The following CXCL9 variants were observed in gnomAD, a reference collection of about 807,000 sequenced individuals.
CXCL9 encodes C-X-C motif chemokine 9.
Under a neutral mutation model 11.7 loss-of-function variants are expected in CXCL9, and 8 were observed. That is an observed-to-expected ratio of 0.68 (90% CI 0.40 to 1.23). CXCL9 has a LOEUF of 1.23. Among genes scored for constraint, CXCL9 ranks in the 50% most tolerant of loss-of-function variants. CXCL9 has a pLI of 0.01. For synonymous variants in CXCL9, 43 were observed against 48.2 expected, an observed-to-expected ratio of 0.89 and a Z score of 0.45; for missense variants, 133 against 141.7, an observed-to-expected ratio of 0.94 and a Z score of 0.31.
At chr4:76,005,969 A>C (rs1326617128) in intron 2 of CXCL9, 179 bp downstream of exon 2, 3 of 538,258 alleles carry the variant, frequency 5.6e-6, no homozygotes, top group Non-Finnish European at 3.4e-6. Context: ...GGCCTAATCT[A>C]CCAGAAATTC....
intron 2 of CXCL9, chr4:76,005,530 C>T (rs906245063): frequency 6.6e-6 from 1 of 152,210 alleles, no homozygotes; most frequent in African/African-American, 2.4e-5. Context: ...CACAATACTG[C>T]CACAGTAAGT....
intron 3 of CXCL9, among the ~76,000 whole-genome samples, chr4:76,004,347 A>G (rs1420530373): frequency 3.3e-5 from 5 of 152,190 alleles, no homozygotes; most frequent in African/African-American, 1.2e-4. Flanking sequence ...CAAATCAAAT[A>G]TCACCTGACA....
intron 2 of CXCL9, 80 bp from the exon 3 acceptor site, chr4:76,004,973 A>G (rs1731557480): frequency 1.4e-6 from 2 of 1,446,678 alleles, no homozygotes; most frequent in Non-Finnish European, 1.8e-6. Context: ...GAAAATCAGT[A>G]TGAATTGTGC....
intron 3 of CXCL9, among the ~76,000 whole-genome samples, chr4:76,004,228 T>A (rs1189147906): frequency 6.6e-6 from 1 of 152,088 alleles, no homozygotes; most frequent in East Asian, 1.9e-4. Context: ...TCACACAAAC[T>A]CCAGCCACAT....
chr4:76,004,740 AAGC>A, intron 3 of CXCL9, 66 bp downstream of exon 3: 1 of 1,533,802 alleles, frequency 6.5e-7, no homozygotes, highest in Non-Finnish European at 8.7e-7. Context: ...GTTAATGAAA[AAGC>A]AGATTCTTTG....
rs1251630127 is a variant in CXCL9 at position 76,002,149 on chromosome 4, C to T, written c.*1449G>A. The T allele has an allele frequency of 1.8e-5, 7 of 387,802 alleles. No homozygotes were observed. The highest frequency in any genetic ancestry group is 3.2e-5 in the Non-Finnish European group (7 of 221,742). The allele number at this position is 387,802 out of a possible 1,614,324, so 24.0% of individuals were successfully genotyped here. ...GATCTCGGTGGCTATCTTGTTAGATCTTAGAAAGCTGAGGCTTATTGAGAA... is the reference window on the plus strand; with the variant it reads ...GATCTCGGTGGCTATCTTGTTAGATTTTAGAAAGCTGAGGCTTATTGAGAA... On this transcript the variant is annotated 3_prime_UTR_variant, in exon 4 of 4. Transcript: ENST00000264888.
chr4:76,004,705 C>T, intron 3 of CXCL9, 104 bp downstream of exon 3: 2 of 1,386,632 alleles, frequency 1.4e-6, no homozygotes, highest in South Asian at 3.8e-5. Context: ...AAAATGTATT[C>T]TTAAAAGTTA....
intron 1 of CXCL9, 57 bp downstream of exon 1, chr4:76,007,329 G>C: frequency 1.0e-6 from 1 of 956,118 alleles, no homozygotes; most frequent in Non-Finnish European, 1.7e-6. Context: ...GGCTAATCAA[G>C]ATTCTTTTAC....
Position 76,001,638 on chromosome 4 carries a change from A to G in CXCL9, c.*1960T>C, listed in dbSNP as rs1393589080. 1 of 152,160 alleles carries G rather than the reference A, an allele frequency of 6.6e-6. No individual in the cohort carries two copies. The highest frequency in any genetic ancestry group is 2.4e-5 in the African/African-American group (1 of 41,430). The allele number at this position is 152,160 out of a possible 1,614,324, so 9.4% of individuals were successfully genotyped here. A position where few individuals can be genotyped will look rare whatever the true frequency, so the allele number is the denominator to read the frequency against. On this transcript the variant is annotated 3_prime_UTR_variant, in exon 4 of 4. Transcript: ENST00000264888. The stretch of plus-strand genomic sequence containing the variant: ...GATTATAACGTGTGTGTCAGTGACA[A>G]TATGTAGTCTTTGGTTGTTAGTTAT...
chr4:76,004,821 CT>C lies in CXCL9; in HGVS notation c.263del (p.Lys88SerfsTer24). On this transcript the variant is annotated frameshift_variant, in exon 3 of 4. Transcript: ENST00000264888. LOFTEE classifies it low-confidence loss of function (END_TRUNC). ...CCTTTTCACCAACCTGTTTCTCCCA[CT>C]TTTTAATCAGTTCCTTCACATCTGC... ...DSADVKELIK[K>X]WEKQVSQKKK... The C allele has an allele frequency of 6.2e-7, 1 of 1,603,048 alleles. No homozygotes were observed. Among genetic ancestry groups the C allele is most frequent in the Non-Finnish European group, 8.5e-7 (1 of 1,176,190 alleles).
chr4:76,003,527 C>T lies in CXCL9; in HGVS notation c.*71G>A. 1.1e-6 allele frequency: 1 copy of T among 884,208 alleles called. No homozygotes were observed. 54.8% of individuals were successfully genotyped at this position (884,208 alleles called of 1,614,324 possible). On this transcript the variant is annotated 3_prime_UTR_variant, in exon 4 of 4. Coordinates refer to ENST00000264888, the MANE Select transcript of CXCL9 (RefSeq NM_002416.3). Reference sequence around the variant, plus strand: ...AGCCTTTGTATTATATGCCATCCTCCTTTGGAATGATAGCGGTATAATTAA... The same window carrying T: ...AGCCTTTGTATTATATGCCATCCTCTTTTGGAATGATAGCGGTATAATTAA...
chr4:76,004,645 G>C (rs1209467076), intron 3 of CXCL9, among the ~76,000 whole-genome samples, 164 bp downstream of exon 3: 1 of 152,164 alleles, frequency 6.6e-6, no homozygotes, highest in African/African-American at 2.4e-5. Flanking sequence ...CTATATGTAG[G>C]AACCTAATTT....
rs927829406 is a variant in CXCL9 at position 76,005,025 on chromosome 4, A to T, written c.192-132T>A. ...ACTACTTAAAATTATTTCCTAGGAC[A>T]AGATGAGTCACTGGTTGAATTTTTT... On this transcript the variant is annotated intron_variant, in intron 2 of 3. Coordinates refer to ENST00000264888, the MANE Select transcript of CXCL9 (RefSeq NM_002416.3). The T allele has an allele frequency of 3.2e-6, 4 of 1,269,352 alleles. No individual in the cohort carries two copies. The African/African-American group carries it at 6.2e-5, about 20-fold the overall frequency. The allele number at this position is 1,269,352 out of a possible 1,614,324, so 78.6% of individuals were successfully genotyped here. A position where few individuals can be genotyped will look rare whatever the true frequency, so the allele number is the denominator to read the frequency against.
chr4:76,007,150 A>T lies in CXCL9; in HGVS notation c.64+236T>A, dbSNP rs146313126. Among the ~76,000 whole-genome samples the T allele has an allele frequency of 1.0e-3, 157 of 152,354 alleles. 1 individual carries two copies. The East Asian group carries it at 0.028, about 28-fold the overall frequency. On this transcript the variant is annotated intron_variant, in intron 1 of 3. Transcript: ENST00000264888. ...GTTCTCATTATTACCCAGTTCAATG[A>T]ACATTTATTGAACACTTACTAGGAA...
rs747721834 is a variant in CXCL9, at chr4:76,006,263, C to A, written c.76G>T (p.Val26Leu). The A allele has an allele frequency of 4.3e-6, 7 of 1,613,578 alleles. No homozygotes were observed. In the East Asian group the frequency reaches 1.6e-4, roughly 36 times the overall value. ...ATGCAGGAACAGCGACCCTTTCTCA[C>A]TACTGGGGTTCCTGAGGGAAAGAAA... ...VLIGVQGTPV[V>L]RKGRCSCIST... is the part of the protein sequence containing the mutation. Residue 26 changes from valine (V) to leucine (L), a missense_variant, in exon 2 of 4, where the codon GTG becomes TTG. Transcript: ENST00000264888.
intron 3 of CXCL9, 106 bp downstream of exon 3, chr4:76,004,703 T>C (rs776956921): frequency 6.2e-5 from 85 of 1,378,334 alleles, no homozygotes; most frequent in Non-Finnish European, 7.7e-5. Flanking sequence ...GAAAAATGTA[T>C]TCTTAAAAGT....
At chr4:76,006,922 G>T (rs184824889) in intron 1 of CXCL9, among the ~76,000 whole-genome samples, 1 of 152,272 alleles carries the variant, frequency 6.6e-6, no homozygotes, top group African/African-American at 2.4e-5. Flanking sequence ...GTCAGAAAAG[G>T]TATAACTACA....
rs1329947376 is a variant in CXCL9 at position 76,006,176 on chromosome 4, T to C, written c.163A>G (p.Ser55Gly). 1 of 1,613,838 alleles carries C rather than the reference T, an allele frequency of 6.2e-7. No individual in the cohort carries two copies. Among genetic ancestry groups the C allele is most frequent in the Non-Finnish European group, 8.5e-7 (1 of 1,179,758 alleles). ...ATTTCAATTTTCTCGCAGGAAGGGC[T>C]TGGGGCAAATTGTTTAAGGTCTTTC... is the stretch of plus-strand genomic sequence containing the variant. The part of the protein sequence containing the change: ...SLKDLKQFAP[S>G]PSCEKIEIIA... The change falls in exon 2 of 4, where the codon AGC becomes GGC. Residue 55 changes from serine (S) to glycine (G), a missense_variant. Physicochemically the swap from Ser to Gly is moderately conservative, Grantham distance 56 (BLOSUM62 0). Transcript: ENST00000264888.
chr4:76,003,610 CTTT>C lies in CXCL9; in HGVS notation c.363_365del (p.Lys123del). On this transcript the variant is annotated inframe_deletion, in exon 4 of 4. Transcript: ENST00000264888. ...GTGAAGTGGTCTCTTATGTAGTCTTCTTTTGACGAGAACGTTGAGATTTTCGAA... is the reference window on the plus strand; with the variant it reads ...GTGAAGTGGTCTCTTATGTAGTCTTCTGACGAGAACGTTGAGATTTTCGAA... 6.3e-7 allele frequency: 1 copy of C among 1,594,150 alleles called. No homozygotes were observed. Among genetic ancestry groups the C allele is most frequent in the Non-Finnish European group, 8.6e-7 (1 of 1,162,922 alleles).
Sources: gnomAD v4.1 joint callset for allele counts (sites outside exome capture counted in the v4.1 genomes callset) on GRCh38, gnomAD v4.1.1 for gene constraint, MANE v1.5 for transcripts, NCBI Gene and HGNC (gene_info 2026-07-23, HGNC 2026-07-21) for gene names.